PTPRK: variants seen among roughly 807,000 people sequenced by gnomAD.
The protein encoded by PTPRK is protein tyrosine phosphatase receptor type K.
Under a neutral mutation model 178.0 loss-of-function variants are expected in PTPRK, and 75 were observed. That is an observed-to-expected ratio of 0.42 (90% CI 0.35 to 0.51). The LOEUF is 0.51. PTPRK is among the 20% of genes least tolerant of loss of function. The pLI, the probability that PTPRK is intolerant of heterozygous loss-of-function variation, is 0.02. For synonymous variants in PTPRK, 637 were observed against 620.6 expected, an observed-to-expected ratio of 1.03 and a Z score of -0.39; for missense variants, 1,441 against 1,797.8, an observed-to-expected ratio of 0.80 and a Z score of 3.59.
At chr6:128,437,579 A>G (rs181956783) in intron 1 of PTPRK, among the ~76,000 whole-genome samples, 54 of 152,324 alleles carry the variant, frequency 3.5e-4, no homozygotes, top group African/African-American at 9.9e-4. Flanking sequence ...AATTAAATAC[A>G]TTTTTAAACA....
chr6:128,226,074 C>T (rs1811241951), intron 5 of PTPRK, among the ~76,000 whole-genome samples: 1 of 152,262 alleles, frequency 6.6e-6, no homozygotes, highest in South Asian at 2.1e-4. Context: ...AGAGGAGCCA[C>T]ACGGACAGAG....
intron 7 of PTPRK, among the ~76,000 whole-genome samples, chr6:128,124,360 TCTTA>T: frequency 6.6e-6 from 1 of 152,300 alleles, no homozygotes; most frequent in Non-Finnish European, 1.5e-5. Flanking sequence ...ATTCATTAAT[TCTTA>T]ATCACACCTG....
At position 128,168,274 on chromosome 6, in the gene PTPRK, G is replaced by A. The variant is rs535153120; in HGVS notation, c.1162+16158C>T. On this transcript the variant is annotated intron_variant, in intron 7 of 29. Transcript: ENST00000368226. ...GCTCAAAATATAAACAGCCCTAAGT[G>A]TTGGTGAGGTGGTAGAGAAAAGGAA... 2.6e-5 allele frequency among the ~76,000 whole-genome samples: 4 copies of A among 152,206 alleles called. No individual in the cohort carries two copies. In the East Asian group the frequency reaches 7.8e-4, roughly 30 times the overall value.
At chr6:128,143,075 T>C (rs969698757) in intron 7 of PTPRK, among the ~76,000 whole-genome samples, 3 of 152,270 alleles carry the variant, frequency 2.0e-5, no homozygotes, top group African/African-American at 7.2e-5. Flanking sequence ...CTGAAACTTA[T>C]AACACTTCTC....
chr6:128,431,943 T>C (rs561227639), intron 1 of PTPRK, among the ~76,000 whole-genome samples: 1 of 152,004 alleles, frequency 6.6e-6, no homozygotes, highest in East Asian at 1.9e-4. Context: ...AGATGTAATA[T>C]TATTTATGTT....
intron 2 of PTPRK, among the ~76,000 whole-genome samples, chr6:128,345,368 T>A (rs1208998257): frequency 6.6e-6 from 1 of 152,178 alleles, no homozygotes; most frequent in Non-Finnish European, 1.5e-5. Context: ...TGGCATAATG[T>A]AAGTATCAAA....
intron 7 of PTPRK, among the ~76,000 whole-genome samples, chr6:128,176,642 A>T (rs967117705): frequency 6.6e-6 from 1 of 151,764 alleles, no homozygotes; most frequent in Non-Finnish European, 1.5e-5. Flanking sequence ...TTTCCTTTGA[A>T]CATGCTTTTT....
intron 2 of PTPRK, among the ~76,000 whole-genome samples, chr6:128,369,538 G>T (rs1401746714): frequency 6.6e-6 from 1 of 151,900 alleles, no homozygotes; most frequent in Non-Finnish European, 1.5e-5. Flanking sequence ...ACATACAAAA[G>T]AATATTTAAA....
intron 8 of PTPRK, among the ~76,000 whole-genome samples, chr6:128,086,649 AC>A (rs1473057744): frequency 6.6e-6 from 1 of 152,156 alleles, no homozygotes; most frequent in Non-Finnish European, 1.5e-5. Flanking sequence ...GATCTTTCCA[AC>A]AACAGATTAT....
At chr6:128,260,675 C>A (rs1337057636) in intron 3 of PTPRK, among the ~76,000 whole-genome samples, 3 of 152,128 alleles carry the variant, frequency 2.0e-5, no homozygotes, top group Non-Finnish European at 4.4e-5. Flanking sequence ...ATAACCACTA[C>A]CACAACAAAT....
At chr6:128,062,193 T>G (rs1307783178) in intron 13 of PTPRK, 1 of 160,196 alleles carries the variant, frequency 6.2e-6, no homozygotes, top group Non-Finnish European at 1.5e-5. Context: ...GTAGTTTTTC[T>G]TTTTCATTTC....
At chr6:128,128,429 T>C (rs2114443936) in intron 7 of PTPRK, among the ~76,000 whole-genome samples, 1 of 152,336 alleles carries the variant, frequency 6.6e-6, no homozygotes, top group African/African-American at 2.4e-5. Flanking sequence ...AAACCACTCC[T>C]ATCCAAATTG....
At chr6:128,151,772 T>C (rs1449541179) in intron 7 of PTPRK, among the ~76,000 whole-genome samples, 1 of 151,906 alleles carries the variant, frequency 6.6e-6, no homozygotes, top group African/African-American at 2.4e-5. Context: ...AATGGAGTGA[T>C]CAAGGAAACA....
chr6:128,342,847 G>C (rs1366640806), intron 2 of PTPRK, among the ~76,000 whole-genome samples: 1 of 152,036 alleles, frequency 6.6e-6, no homozygotes, highest in East Asian at 1.9e-4. Context: ...AGCTACTTAA[G>C]AGCCTGAGGT....
At chr6:128,182,883 C>T (rs1802156494) in intron 7 of PTPRK, among the ~76,000 whole-genome samples, 1 of 151,912 alleles carries the variant, frequency 6.6e-6, no homozygotes, top group Non-Finnish European at 1.5e-5. Context: ...TGTGGTAATG[C>T]TAATTTTTTA....
chr6:128,055,969 G>C (rs1050322095), intron 13 of PTPRK, among the ~76,000 whole-genome samples: 1 of 147,334 alleles, frequency 6.8e-6, no homozygotes, highest in African/African-American at 2.6e-5. Context: ...GAACATAAGC[G>C]CTTTTTTTTC....
intron 7 of PTPRK, among the ~76,000 whole-genome samples, chr6:128,102,868 T>C (rs1464121948): frequency 1.3e-5 from 2 of 152,088 alleles, no homozygotes; most frequent in Non-Finnish European, 2.9e-5. Context: ...CTGAGAATCA[T>C]CCAAAGGCCT....
intron 1 of PTPRK, among the ~76,000 whole-genome samples, chr6:128,417,082 AGGAC>A: frequency 6.6e-6 from 1 of 151,258 alleles, no homozygotes; most frequent in South Asian, 2.1e-4. Flanking sequence ...ACTGTAAAGT[AGGAC>A]ATTTTATCTA....
chr6:128,464,636 C>CATATATATATATAT (rs1332123195), intron 1 of PTPRK, among the ~76,000 whole-genome samples: 3 of 40,740 alleles, frequency 7.4e-5, no homozygotes, highest in Non-Finnish European at 5.6e-5. Context: ...TATATATATA[C>CATATATATATATAT]ACATATATAT....
Sources: gnomAD v4.1 joint callset for allele counts (sites outside exome capture counted in the v4.1 genomes callset) on GRCh38, gnomAD v4.1.1 for gene constraint, MANE v1.5 for transcripts, NCBI Gene and HGNC (gene_info 2026-07-23, HGNC 2026-07-21) for gene names.